The following UQCRC2 variants were observed in gnomAD, a reference collection of about 807,000 sequenced individuals.
UQCRC2 encodes the protein cytochrome b-c1 complex subunit 2, mitochondrial.
Under a neutral mutation model 55.6 loss-of-function variants are expected in UQCRC2, and 49 were observed. The observed-to-expected ratio is 0.88, with a 90% CI of 0.70 to 1.12. The LOEUF is 1.12. Among genes scored for constraint, UQCRC2 ranks in the 50% most tolerant of loss-of-function variants. The probability of loss-of-function intolerance (pLI) is 0.00; values close to 1 mark genes in which losing one functional copy is unlikely to be tolerated. For synonymous variants in UQCRC2, 193 were observed against 192.0 expected (o/e 1.01, Z -0.04); for missense variants, 506 against 547.8 (o/e 0.92, Z 0.76).
intron 6 of UQCRC2, among the ~76,000 whole-genome samples, chr16:21,963,531 CAA>C (rs1220337034): frequency 1.3e-5 from 2 of 151,928 alleles, no homozygotes; most frequent in Admixed American, 6.6e-5. Flanking sequence ...TGCAGTGGCA[CAA>C]TCTCACTGCA....
intron 12 of UQCRC2, among the ~76,000 whole-genome samples, chr16:21,979,331 C>G (rs115071762): frequency 6.6e-6 from 1 of 152,184 alleles, no homozygotes; most frequent in Non-Finnish European, 1.5e-5. Context: ...GGAAAACCAT[C>G]GCAATTTCAG....
chr16:21,976,421 G>A, intron 12 of UQCRC2, 178 bp downstream of exon 12: 2 of 538,736 alleles, frequency 3.7e-6, no homozygotes, highest in Non-Finnish European at 6.4e-6. Flanking sequence ...TTTTGGCCAG[G>A]CACAGTGGCT....
intron 11 of UQCRC2, 148 bp from the exon 12 acceptor site, chr16:21,976,019 T>G (rs1898575839): frequency 3.6e-6 from 2 of 551,102 alleles, no homozygotes; most frequent in Middle Eastern, 2.7e-4. Context: ...AAGGAACCCA[T>G]AGTGATGACA....
chr16:21,980,262 T>G, intron 12 of UQCRC2: 1 of 324,132 alleles, frequency 3.1e-6, no homozygotes, highest in African/African-American at 2.1e-5. Flanking sequence ...TCCAGCTGTC[T>G]CACTCAAATC....
chr16:21,980,848 C>G, intron 13 of UQCRC2, 148 bp downstream of exon 13: 1 of 883,894 alleles, frequency 1.1e-6, no homozygotes, highest in African/African-American at 1.7e-5. Flanking sequence ...GGGCTCATTC[C>G]CATAAGATCC....
intron 10 of UQCRC2, 65 bp downstream of exon 10, chr16:21,972,187 T>C: frequency 6.6e-7 from 1 of 1,517,632 alleles, no homozygotes; most frequent in Non-Finnish European, 9.0e-7. Context: ...GATATAATTC[T>C]GATAATCTAC....
intron 1 of UQCRC2, among the ~76,000 whole-genome samples, chr16:21,953,996 C>T (rs1177163051): frequency 1.3e-5 from 2 of 152,104 alleles, no homozygotes; most frequent in Non-Finnish European, 2.9e-5. Context: ...TAGACGGTTC[C>T]TCCAAGACGT....
chr16:21,979,989 T>A (rs143641731), intron 12 of UQCRC2, among the ~76,000 whole-genome samples: 2 of 152,314 alleles, frequency 1.3e-5, no homozygotes, highest in East Asian at 3.9e-4. Flanking sequence ...TTAGAAGACT[T>A]TTGCCCAGCT....
In UQCRC2 at chr16:21,962,453, G is replaced by A; in HGVS notation, c.333-7G>A. Reference sequence around the variant, plus strand: ...GATGATTTACTCTAGTTTATTTTCCGATTCAGTGTGACCGCAACAAGGGAA... The same window carrying A: ...GATGATTTACTCTAGTTTATTTTCCAATTCAGTGTGACCGCAACAAGGGAA... On this transcript the variant is annotated splice_polypyrimidine_tract_variant and splice_region_variant and intron_variant, in intron 4 of 13. Coordinates refer to ENST00000268379, the MANE Select transcript of UQCRC2 (RefSeq NM_003366.4). 2.5e-6 allele frequency: 4 copies of A among 1,614,024 alleles called. No individual in the cohort carries two copies. The highest frequency in any genetic ancestry group is 1.3e-5 in the African/African-American group (1 of 75,014).
intron 12 of UQCRC2, among the ~76,000 whole-genome samples, chr16:21,977,153 A>G (rs537225994): frequency 4.6e-5 from 7 of 152,098 alleles, no homozygotes; most frequent in African/African-American, 1.4e-4. Context: ...CAGGAGTTCA[A>G]CCAGCCTGGG....
intron 8 of UQCRC2, among the ~76,000 whole-genome samples, chr16:21,969,620 G>GT: frequency 6.6e-6 from 1 of 152,156 alleles, no homozygotes; most frequent in Non-Finnish European, 1.5e-5. Context: ...AGTTTACAAA[G>GT]TAGTTGCATG....
intron 7 of UQCRC2, among the ~76,000 whole-genome samples, chr16:21,965,838 T>C (rs1898311785): frequency 6.6e-6 from 1 of 152,128 alleles, no homozygotes. Context: ...GTTTTCTGTG[T>C]GTATGTATCT....
At chr16:21,954,042 C>G (rs1384267189) in intron 1 of UQCRC2, among the ~76,000 whole-genome samples, 3 of 152,124 alleles carry the variant, frequency 2.0e-5, no homozygotes, top group Non-Finnish European at 4.4e-5. Context: ...AATTAAGTTT[C>G]CCCTTCAAGC....
In UQCRC2 at chr16:21,953,444, C is replaced by T. The variant is rs140563705; in HGVS notation, c.21C>T (p.Ala7=). The change falls in exon 1 of 14, where the codon GCC becomes GCT. Residue 7 remains alanine (A), a synonymous_variant. Transcript: ENST00000268379. ...GAATCATGAAGCTACTAACCAGAGCCGGCTCTTTCTCGGTGAGCTCAGGTG... is the reference window on the plus strand; with the variant it reads ...GAATCATGAAGCTACTAACCAGAGCTGGCTCTTTCTCGGTGAGCTCAGGTG... MKLLTR[A]GSFSRFYSLK... The T allele has an allele frequency of 6.2e-7, 1 of 1,613,278 alleles. No individual in the cohort carries two copies. Among genetic ancestry groups the T allele is most frequent in the Admixed American group, 1.7e-5 (1 of 59,924 alleles).
At chr16:21,981,061 AAAG>A (rs1245216003) in intron 13 of UQCRC2, among the ~76,000 whole-genome samples, 3 of 152,330 alleles carry the variant, frequency 2.0e-5, no homozygotes, top group African/African-American at 7.2e-5. Context: ...GACTAGAAGT[AAAG>A]AAGAGTCAAA....
intron 3 of UQCRC2, among the ~76,000 whole-genome samples, chr16:21,958,045 A>G (rs1490007512): frequency 1.3e-5 from 2 of 152,210 alleles, no homozygotes; most frequent in Non-Finnish European, 2.9e-5. Context: ...AGACCTTATT[A>G]CCAAATAAAG....
In UQCRC2 at chr16:21,973,941, A is replaced by G; in HGVS notation, c.1012A>G (p.Ile338Val). The G allele has an allele frequency of 6.2e-7, 1 of 1,611,928 alleles. No individual in the cohort carries two copies. Among genetic ancestry groups the G allele is most frequent in the Non-Finnish European group, 8.5e-7 (1 of 1,179,378 alleles). ...ASYSDSGLFG[I>V]YTISQATAAG... ...TTACTCAGATTCTGGACTCTTTGGG[A>G]TTTATACTATCTCCCAGGCCACAGC... is the stretch of plus-strand genomic sequence containing the variant. The change falls in exon 11 of 14, where the codon ATT (isoleucine) becomes GTT (valine). Residue 338 changes from isoleucine to valine, a missense_variant. Coordinates refer to ENST00000268379, the MANE Select transcript of UQCRC2 (RefSeq NM_003366.4).
At chr16:21,964,392 G>A (rs1898275846) in intron 6 of UQCRC2, among the ~76,000 whole-genome samples, 1 of 152,134 alleles carries the variant, frequency 6.6e-6, no homozygotes, top group Non-Finnish European at 1.5e-5. Flanking sequence ...GGCCATTACA[G>A]TGATCCTTCT....
chr16:21,964,630 A>G (rs1262275309), intron 6 of UQCRC2, among the ~76,000 whole-genome samples: 1 of 152,140 alleles, frequency 6.6e-6, no homozygotes, highest in African/African-American at 2.4e-5. Context: ...CCCCTGGGAA[A>G]CACCAGCTCA....
Sources: allele counts gnomAD v4.1 joint callset (sites outside exome capture counted in the v4.1 genomes callset), GRCh38; gene constraint gnomAD v4.1.1; transcripts MANE v1.5; gene names NCBI Gene and HGNC (gene_info 2026-07-23, HGNC 2026-07-21).